Variants in MARCHF1 observed in about 807,000 individuals in gnomAD.
MARCHF1 encodes membrane associated ring-CH-type finger 1.
A neutral mutation model predicts 54.2 loss-of-function variants in MARCHF1; 40 were observed. That is an observed-to-expected ratio of 0.74 (90% CI 0.57 to 0.96). The LOEUF is 0.96. Ranked by LOEUF, MARCHF1 falls within the 40% of genes least tolerant of loss-of-function variation. MARCHF1 has a pLI of 0.00. For synonymous variants in MARCHF1, 236 were observed against 236.3 expected, an observed-to-expected ratio of 1.00 and a Z score of 0.01; for missense variants, 586 against 656.5, an observed-to-expected ratio of 0.89 and a Z score of 1.17.
chr4:163,552,148 A>T (rs138427786), intron 8 of MARCHF1, among the ~76,000 whole-genome samples: 1 of 152,146 alleles, frequency 6.6e-6, no homozygotes, highest in Non-Finnish European at 1.5e-5. Context: ...ACATGGCCCA[A>T]TGTGAGGGGA....
At chr4:163,626,473 C>T (rs1057200157) in intron 5 of MARCHF1, among the ~76,000 whole-genome samples, 8 of 152,146 alleles carry the variant, frequency 5.3e-5, no homozygotes, top group African/African-American at 1.9e-4. Context: ...CAAATGGTTT[C>T]TCTTATTTAG....
At chr4:164,246,695 C>T (rs1341757885) in intron 1 of MARCHF1, among the ~76,000 whole-genome samples, 4 of 73,182 alleles carry the variant, frequency 5.5e-5, no homozygotes, top group Non-Finnish European at 8.9e-5. Flanking sequence ...AGAAAATTTT[C>T]ACAACCTACT....
In MARCHF1 at chr4:164,215,060, CG is replaced by C. The variant is rs1731889574; in HGVS notation, c.-322-103399del. ...ATGTTTTAGTTTAGCCGTCCGTAGT[CG>C]GCTTGTGTTCATCAGCTCAATTAGA... On this transcript the variant is annotated intron_variant, in intron 1 of 9. Transcript: ENST00000514618. Among the ~76,000 whole-genome samples the C allele has an allele frequency of 2.0e-5, 3 of 152,286 alleles. No individual in the cohort carries two copies. In the South Asian group the frequency reaches 6.2e-4, roughly 32 times the overall value.
chr4:163,772,075 A>C (rs1579274613), intron 4 of MARCHF1, among the ~76,000 whole-genome samples: 1 of 152,178 alleles, frequency 6.6e-6, no homozygotes, highest in Admixed American at 6.5e-5. Context: ...CTCAGGCTCC[A>C]ATTCAGACCT....
intron 2 of MARCHF1, among the ~76,000 whole-genome samples, chr4:164,023,266 G>T (rs1400358174): frequency 6.6e-6 from 1 of 152,144 alleles, no homozygotes; most frequent in Admixed American, 6.5e-5. Context: ...ATATGACTGT[G>T]TCACCAGTGA....
At chr4:163,599,541 C>T (rs11933858) in intron 7 of MARCHF1, among the ~76,000 whole-genome samples, 2,220 of 152,138 alleles carry the variant, frequency 0.015, 55 homozygotes, top group African/African-American at 0.051. Flanking sequence ...TTTTGCTGTC[C>T]TTTCACAGAT....
chr4:163,627,383 G>T (rs746289439), intron 5 of MARCHF1, among the ~76,000 whole-genome samples: 1 of 152,040 alleles, frequency 6.6e-6, no homozygotes, highest in Non-Finnish European at 1.5e-5. Flanking sequence ...ACCTTTCTTC[G>T]ATAGCATAGC....
At position 163,574,026 on chromosome 4, in the gene MARCHF1, C is replaced by T. The variant is rs554184815; in HGVS notation, c.1191+11723G>A. Among the ~76,000 whole-genome samples the T allele has an allele frequency of 9.5e-4, 144 of 152,202 alleles. 1 individual carries two copies. The highest frequency in any genetic ancestry group is 5.2e-3 in the South Asian group (25 of 4,814). On this transcript the variant is annotated intron_variant, in intron 8 of 9. Transcript: ENST00000514618. ...CATTCTAACTGGTGTGAGATGATAT[C>T]TCATTGTGGTTTTGATTTGCATTTC...
intron 2 of MARCHF1, among the ~76,000 whole-genome samples, chr4:164,062,770 C>T (rs139831499): frequency 0.028 from 4,232 of 152,168 alleles, 179 homozygotes; most frequent in African/African-American, 0.096. Context: ...GTGATCCGCC[C>T]GCCTCGGCCT....
intron 4 of MARCHF1, among the ~76,000 whole-genome samples, chr4:163,721,481 T>C (rs1186734798): frequency 1.3e-5 from 2 of 152,182 alleles, no homozygotes; most frequent in Non-Finnish European, 2.9e-5. Context: ...GATGTTGGTC[T>C]AAAATTCTCT....
intron 8 of MARCHF1, among the ~76,000 whole-genome samples, chr4:163,576,660 C>A (rs139777150): frequency 1.9e-3 from 287 of 152,146 alleles, no homozygotes; most frequent in Non-Finnish European, 3.2e-3. Flanking sequence ...CATAGGCACA[C>A]ACTATTATTG....
At chr4:164,115,102 T>A (rs1458113861) in intron 1 of MARCHF1, among the ~76,000 whole-genome samples, 2 of 151,768 alleles carry the variant, frequency 1.3e-5, no homozygotes, top group Admixed American at 1.3e-4. Flanking sequence ...AGGAAGGAAG[T>A]TTGAGGGTGG....
chr4:164,179,360 G>A (rs13353657), intron 1 of MARCHF1, among the ~76,000 whole-genome samples: 1,988 of 152,070 alleles, frequency 0.013, 40 homozygotes, highest in African/African-American at 0.042. Context: ...ATTTCATTTA[G>A]CATTAATTTC....
intron 5 of MARCHF1, among the ~76,000 whole-genome samples, chr4:163,633,927 G>C (rs1742206721): frequency 6.6e-6 from 1 of 152,336 alleles, no homozygotes; most frequent in East Asian, 1.9e-4. Flanking sequence ...CCAGAAGAGA[G>C]TGGGGGCCAA....
intron 2 of MARCHF1, among the ~76,000 whole-genome samples, chr4:164,008,035 G>A (rs752140413): frequency 1.3e-5 from 2 of 152,036 alleles, no homozygotes; most frequent in Non-Finnish European, 2.9e-5. Flanking sequence ...AAGGCATATA[G>A]TGGCTGAACG....
chr4:163,656,636 A>G (rs1418939021), intron 5 of MARCHF1, among the ~76,000 whole-genome samples: 1 of 152,076 alleles, frequency 6.6e-6, no homozygotes, highest in African/African-American at 2.4e-5. Context: ...TCCTTGATGA[A>G]CATCGATGCA....
chr4:164,374,855 A>C (rs1396764291), intron 1 of MARCHF1, among the ~76,000 whole-genome samples: 1 of 152,118 alleles, frequency 6.6e-6, no homozygotes, highest in African/African-American at 2.4e-5. Flanking sequence ...ATTAAGTTTA[A>C]ACATAAGCTA....
intron 1 of MARCHF1, among the ~76,000 whole-genome samples, chr4:164,336,864 A>C (rs1410694690): frequency 1.7e-4 from 26 of 152,214 alleles, no homozygotes; most frequent in Non-Finnish European, 3.5e-4. Flanking sequence ...ACACACTGGC[A>C]TTTTAATGGC....
At chr4:163,581,141 C>T (rs1418085258) in intron 8 of MARCHF1, among the ~76,000 whole-genome samples, 3 of 151,772 alleles carry the variant, frequency 2.0e-5, no homozygotes, top group Non-Finnish European at 4.4e-5. Context: ...AATGTCTCAG[C>T]TATTTGGCGG....
Sources: allele counts gnomAD v4.1 joint callset (sites outside exome capture counted in the v4.1 genomes callset), GRCh38; gene constraint gnomAD v4.1.1; transcripts MANE v1.5; gene names NCBI Gene and HGNC (gene_info 2026-07-23, HGNC 2026-07-21).